The following KDM3A variants were observed in gnomAD, a reference collection of about 807,000 sequenced individuals.
KDM3A encodes lysine demethylase 3A.
KDM3A carries 60 observed loss-of-function variants against 158.0 expected under a neutral mutation model. The ratio of observed to expected loss-of-function variants is 0.38; its 90% confidence interval spans 0.31 to 0.47. The LOEUF (loss-of-function observed/expected upper bound fraction) is 0.47. KDM3A is among the 20% of genes least tolerant of loss of function. KDM3A has a pLI of 0.99. For synonymous variants in KDM3A, 608 were observed against 549.3 expected (o/e 1.11, Z -1.49); for missense variants, 1,319 against 1,574.3 (o/e 0.84, Z 2.74).
intron 18 of KDM3A, 142 bp from the exon 19 acceptor site, chr2:86,483,845 A>C (rs1395720642): frequency 3.1e-6 from 2 of 650,676 alleles, no homozygotes; most frequent in Non-Finnish European, 5.2e-6. Flanking sequence ...CAGAGAACTA[A>C]GCCGAAACTG....
intron 8 of KDM3A, among the ~76,000 whole-genome samples, chr2:86,460,444 A>C (rs1672879307): frequency 1.3e-5 from 2 of 152,162 alleles, no homozygotes; most frequent in South Asian, 4.1e-4. Context: ...GTATGAGTGA[A>C]AGGTGAGTAC....
intron 11 of KDM3A, 116 bp from the exon 12 acceptor site, chr2:86,474,660 T>TC: frequency 9.2e-6 from 6 of 649,498 alleles, no homozygotes; most frequent in Admixed American, 3.1e-5. Context: ...CGAGACTCCA[T>TC]CCCAAAAAAA....
Position 86,464,052 on chromosome 2 carries a change from G to T in KDM3A, c.844-1G>T. 1 of 1,561,556 alleles carries T rather than the reference G, an allele frequency of 6.4e-7. No homozygotes were observed. Among genetic ancestry groups the T allele is most frequent in the Non-Finnish European group, 8.7e-7 (1 of 1,151,328 alleles). On this transcript the variant is annotated splice_acceptor_variant, in intron 8 of 25. Coordinates refer to ENST00000312912, the MANE Select transcript of KDM3A (RefSeq NM_018433.6). LOFTEE classifies it high-confidence loss of function. The stretch of plus-strand genomic sequence containing the variant: ...ATATCTGTTGGTTTGGTATCTTCTA[G>T]GCCTCTCCCAGTATGTGTCCTGTGC...
At chr2:86,489,152 C>G (rs1467678928) in intron 21 of KDM3A, 166 bp from the exon 22 acceptor site, 10 of 709,700 alleles carry the variant, frequency 1.4e-5, no homozygotes, top group Non-Finnish European at 2.0e-5. Flanking sequence ...TCTTTTCTTG[C>G]TAGCACATCG....
At chr2:86,480,731 A>AT (rs1379951144) in intron 16 of KDM3A, among the ~76,000 whole-genome samples, 1 of 152,248 alleles carries the variant, frequency 6.6e-6, no homozygotes, top group Non-Finnish European at 1.5e-5. Context: ...TAAAAATGTG[A>AT]TAAGGAGCTC....
In KDM3A at chr2:86,480,377, C is replaced by T. The variant is rs1223195579; in HGVS notation, c.2512+15C>T. 3 of 1,602,108 alleles carry T rather than the reference C, an allele frequency of 1.9e-6. No homozygotes were observed. The highest frequency in any genetic ancestry group is 2.6e-6 in the Non-Finnish European group (3 of 1,170,928). On this transcript the variant is annotated intron_variant, in intron 16 of 25. Transcript: ENST00000312912. ...GGAAAACAAGGGTGAGTGTTTCCTG[C>T]TTTTGTGTTTGTTCTTGAGTATTTT... is the stretch of plus-strand genomic sequence containing the variant.
chr2:86,492,076 T>G lies in KDM3A; in HGVS notation c.3923T>G (p.Val1308Gly). Residue 1308 changes from valine (V) to glycine (G), a missense_variant, in exon 26 of 26, where the codon GTT (valine) becomes GGT (glycine). Physicochemically the swap from Val to Gly is moderately radical, Grantham distance 109. Coordinates refer to ENST00000312912, the MANE Select transcript of KDM3A (RefSeq NM_018433.6). ...NVIYHAVKDA[V>G]AMLKASESSF... The stretch of plus-strand genomic sequence containing the variant: ...ATCTACCATGCAGTGAAAGATGCAG[T>G]TGCTATGCTGAAAGCCAGTGAATCC... The G allele has an allele frequency of 6.2e-7, 1 of 1,613,670 alleles. No individual in the cohort carries two copies. Among genetic ancestry groups the G allele is most frequent in the Non-Finnish European group, 8.5e-7 (1 of 1,179,660 alleles).
At chr2:86,444,202 G>C (rs557135924) in intron 2 of KDM3A, among the ~76,000 whole-genome samples, 25 of 152,288 alleles carry the variant, frequency 1.6e-4, no homozygotes, top group South Asian at 1.5e-3. Context: ...AAGGAATCTT[G>C]TCCAGATTTG....
chr2:86,456,736 G>T, intron 6 of KDM3A, 69 bp from the exon 7 acceptor site: 1 of 1,363,200 alleles, frequency 7.3e-7, no homozygotes, highest in South Asian at 1.2e-5. Context: ...TTATGTTAAT[G>T]AACCTGATTT....
At chr2:86,478,857 A>G (rs1673789585) in intron 15 of KDM3A, 122 bp downstream of exon 15, 1 of 884,114 alleles carries the variant, frequency 1.1e-6, no homozygotes, top group Non-Finnish European at 1.7e-6. Flanking sequence ...TCAAGTGGAA[A>G]GAGAGAGAGA....
chr2:86,438,997 T>G (rs72624653), upstream of KDM3A, among the ~76,000 whole-genome samples: 1,071 of 152,162 alleles, frequency 7.0e-3, 50 homozygotes, highest in East Asian at 0.13. Flanking sequence ...GGAGTACACT[T>G]AGGTTATTTG....
intron 12 of KDM3A, 66 bp downstream of exon 12, chr2:86,475,056 T>C (rs1211913197): frequency 5.6e-6 from 7 of 1,245,984 alleles, no homozygotes; most frequent in Non-Finnish European, 8.1e-6. Context: ...AAGTGACACC[T>C]AAGTCCTAAT....
chr2:86,489,847 C>T lies in KDM3A; in HGVS notation c.3573+188C>T, dbSNP rs1268391845. On this transcript the variant is annotated intron_variant, in intron 23 of 25. Transcript: ENST00000312912. ...AGGATTCTAAATGATTAGGGTTACA[C>T]TTCTAAAAAAAGCAGGCCTTGTCTT... 5 of 508,336 alleles carry T rather than the reference C, an allele frequency of 9.8e-6. No individual in the cohort carries two copies. The East Asian group carries it at 1.6e-4, about 16-fold the overall frequency. The allele number at this position is 508,336 out of a possible 1,614,324, so 31.5% of individuals were successfully genotyped here. A position where few individuals can be genotyped will look rare whatever the true frequency, so the allele number is the denominator to read the frequency against.
Position 86,485,938 on chromosome 2 carries a change from A to G in KDM3A, c.3313+79A>G, listed in dbSNP as rs1410620755. The G allele has an allele frequency of 4.6e-6, 7 of 1,508,796 alleles. No individual in the cohort carries two copies. The East Asian group carries it at 9.2e-5, about 20-fold the overall frequency. 93.5% of individuals were successfully genotyped at this position (1,508,796 alleles called of 1,614,324 possible). ...GGAAAATTGATTTTGTGGGAGGGAG[A>G]GGTGGAAAACACCCATAATCCTAAT... On this transcript the variant is annotated intron_variant, in intron 21 of 25. Coordinates refer to ENST00000312912, the MANE Select transcript of KDM3A (RefSeq NM_018433.6).
At chr2:86,482,234 T>A in intron 17 of KDM3A, 132 bp downstream of exon 17, 1 of 1,201,350 alleles carries the variant, frequency 8.3e-7, no homozygotes, top group South Asian at 1.4e-5. Context: ...GAAGGCTGAG[T>A]CACTGGAGGA....
Position 86,456,558 on chromosome 2 carries a change from T to C in KDM3A, c.673T>C (p.Cys225Arg), listed in dbSNP as rs759388609. The change falls in exon 6 of 26, where the codon TGT becomes CGT. Residue 225 changes from cysteine (C) to arginine (R), a missense_variant. Transcript: ENST00000312912. ...AGCATCAAAAACTCTTCAAGTCAAC[T>C]GTGAGGAGGTAAAGACAACAATAAC... is the stretch of plus-strand genomic sequence containing the variant. ...NPASKTLQVNCEEIPALKIVD... is the reference protein window; with the variant it reads ...NPASKTLQVNREEIPALKIVD... 1.9e-6 allele frequency: 3 copies of C among 1,606,604 alleles called. No individual in the cohort carries two copies. In the East Asian group the frequency reaches 6.7e-5, roughly 36 times the overall value.
chr2:86,462,560 G>C (rs908318792), intron 8 of KDM3A, among the ~76,000 whole-genome samples: 2 of 152,128 alleles, frequency 1.3e-5, no homozygotes, highest in Non-Finnish European at 2.9e-5. Context: ...ACACCTTCTG[G>C]AGAACATTAA....
rs769082339 is a variant in KDM3A, at chr2:86,484,944, C to G, written c.3097C>G (p.Arg1033Gly). 2.5e-6 allele frequency: 4 copies of G among 1,588,076 alleles called. No homozygotes were observed. Among genetic ancestry groups the G allele is most frequent in the Non-Finnish European group, 3.5e-6 (4 of 1,157,052 alleles). The change falls in exon 20 of 26, where the codon CGT becomes GGT. Residue 1033 changes from arginine (R) to glycine (G), a missense_variant and splice_region_variant. By Grantham distance (125) the Arg-to-Gly change is moderately radical. Transcript: ENST00000312912. ...AGTTCATTCTGTTTACCTTTCAGAT[C>G]GTTTGAAAAATGAAAAAGAACCAAT... The part of the protein sequence containing the change: ...FWDGFEDVPN[R>G]LKNEKEPMVL...
intron 4 of KDM3A, among the ~76,000 whole-genome samples, chr2:86,452,035 T>C (rs1672493683): frequency 6.6e-6 from 1 of 152,220 alleles, no homozygotes; most frequent in Non-Finnish European, 1.5e-5. Flanking sequence ...TGGTGGTTCA[T>C]GGTCATTCAC....
Sources: gnomAD v4.1 joint callset for allele counts (sites outside exome capture counted in the v4.1 genomes callset) on GRCh38, gnomAD v4.1.1 for gene constraint, MANE v1.5 for transcripts, NCBI Gene and HGNC (gene_info 2026-07-23, HGNC 2026-07-21) for gene names.